PLCE1: variants seen among roughly 807,000 people sequenced by gnomAD.
The protein encoded by PLCE1 is phospholipase C epsilon 1.
PLCE1 carries 119 observed loss-of-function variants against 242.8 expected under a neutral mutation model. The observed-to-expected ratio is 0.49, with a 90% CI of 0.42 to 0.57. The LOEUF is 0.57. PLCE1 is among the 20% of genes least tolerant of loss of function. The pLI, the probability that PLCE1 is intolerant of heterozygous loss-of-function variation, is 0.00. For synonymous variants in PLCE1, 945 were observed against 1,017.4 expected, an observed-to-expected ratio of 0.93 and a Z score of 1.35; for missense variants, 2,441 against 2,788.8, an observed-to-expected ratio of 0.88 and a Z score of 2.81.
In PLCE1 at chr10:94,254,373, T is replaced by C. The variant is rs1002550866; in HGVS notation, c.3397+66T>C. The C allele has an allele frequency of 3.6e-6, 4 of 1,109,102 alleles. No individual in the cohort carries two copies. In the Admixed American group the frequency reaches 5.1e-5, roughly 14 times the overall value. 68.7% of individuals were successfully genotyped at this position (1,109,102 alleles called of 1,614,324 possible). ...TTTTTGTGGGAAAAAAAGTATACAT[T>C]TGGTTTTAAATTGTGATTTAAGCAT... On this transcript the variant is annotated intron_variant, in intron 10 of 32. Transcript: ENST00000371380.
intron 18 of PLCE1, among the ~76,000 whole-genome samples, chr10:94,271,462 C>T (rs894981221): frequency 6.6e-6 from 1 of 151,578 alleles, no homozygotes; most frequent in African/African-American, 2.4e-5. Flanking sequence ...CTACAGGCGC[C>T]CACCACCACG....
intron 23 of PLCE1, among the ~76,000 whole-genome samples, chr10:94,296,103 C>T (rs542678301): frequency 2.2e-4 from 33 of 152,258 alleles, no homozygotes; most frequent in African/African-American, 7.5e-4. Context: ...TGGCTCATGC[C>T]TGTAATCCCA....
chr10:94,033,492 T>A (rs1440717023), intron 2 of PLCE1, among the ~76,000 whole-genome samples: 1 of 152,140 alleles, frequency 6.6e-6, no homozygotes, highest in Admixed American at 6.6e-5. Context: ...TCACAGTTAC[T>A]ATTACTACTA....
At chr10:94,002,743 C>T (rs1382149091) in intron 1 of PLCE1, among the ~76,000 whole-genome samples, 2 of 152,144 alleles carry the variant, frequency 1.3e-5, no homozygotes, top group Non-Finnish European at 2.9e-5. Context: ...TCCTAAGAGA[C>T]TCATGGATTT....
chr10:94,137,997 G>C (rs1230464696), intron 3 of PLCE1: 1 of 383,122 alleles, frequency 2.6e-6, no homozygotes, highest in Non-Finnish European at 5.2e-6. Flanking sequence ...TCTGAGTACA[G>C]CCAGCAGGCA....
At chr10:94,230,137 A>G (rs2050092419) in intron 5 of PLCE1, among the ~76,000 whole-genome samples, 1 of 152,172 alleles carries the variant, frequency 6.6e-6, no homozygotes, top group Admixed American at 6.6e-5. Flanking sequence ...TGCTTCCTCT[A>G]ACTAAATTCT....
chr10:94,020,496 C>A (rs765756278), intron 1 of PLCE1, among the ~76,000 whole-genome samples: 2 of 151,964 alleles, frequency 1.3e-5, no homozygotes, highest in Non-Finnish European at 2.9e-5. Context: ...TTCAATTTAC[C>A]ATTTTTTTAT....
intron 1 of PLCE1, among the ~76,000 whole-genome samples, chr10:94,008,769 C>T (rs183561588): frequency 6.6e-6 from 1 of 152,244 alleles, no homozygotes; most frequent in East Asian, 1.9e-4. Context: ...GGTAACAAGC[C>T]ATCTGGGGCA....
chr10:94,212,546 A>T (rs568552347), intron 4 of PLCE1, among the ~76,000 whole-genome samples: 2 of 152,076 alleles, frequency 1.3e-5, no homozygotes, highest in Non-Finnish European at 2.9e-5. Context: ...ATGAGCCACC[A>T]CGCCCAGCCA....
chr10:94,196,442 G>A (rs931316347), intron 4 of PLCE1, among the ~76,000 whole-genome samples: 8 of 152,130 alleles, frequency 5.3e-5, no homozygotes, highest in Non-Finnish European at 1.2e-4. Context: ...GAGGGGAAGA[G>A]CCTTTTAAAG....
chr10:94,167,157 G>A (rs931212979), intron 3 of PLCE1, among the ~76,000 whole-genome samples: 1 of 152,140 alleles, frequency 6.6e-6, no homozygotes, highest in Non-Finnish European at 1.5e-5. Context: ...TGGGCATGGT[G>A]ACACACGCCT....
chr10:94,216,388 C>A (rs145445163), intron 4 of PLCE1, among the ~76,000 whole-genome samples: 31 of 152,298 alleles, frequency 2.0e-4, no homozygotes, highest in African/African-American at 7.5e-4. Flanking sequence ...TTGTCTTGCT[C>A]ATCATGTGCT....
chr10:94,200,331 G>A (rs1189220058), intron 4 of PLCE1, among the ~76,000 whole-genome samples: 2 of 152,188 alleles, frequency 1.3e-5, no homozygotes. Context: ...ATCTGGTAGT[G>A]CCAAGCAGTA....
chr10:94,178,895 C>CATG (rs940719745), intron 4 of PLCE1, among the ~76,000 whole-genome samples: 46 of 152,232 alleles, frequency 3.0e-4, no homozygotes, highest in African/African-American at 1.1e-3. Context: ...TGTTTAGAAA[C>CATG]GTCTCAATCA....
At chr10:94,082,384 C>T (rs761597147) in intron 2 of PLCE1, among the ~76,000 whole-genome samples, 45 of 152,138 alleles carry the variant, frequency 3.0e-4, no homozygotes, top group African/African-American at 4.1e-4. Flanking sequence ...ACAGTGGGCA[C>T]GAGATGAAAA....
chr10:94,179,609 G>C (rs111985626), intron 4 of PLCE1, among the ~76,000 whole-genome samples: 1 of 142,090 alleles, frequency 7.0e-6, no homozygotes, highest in African/African-American at 2.6e-5. Flanking sequence ...AGGCTCAAGC[G>C]ATCCTCCCAC....
intron 19 of PLCE1, among the ~76,000 whole-genome samples, chr10:94,277,542 G>A (rs2052004438): frequency 6.6e-6 from 1 of 152,124 alleles, no homozygotes; most frequent in Non-Finnish European, 1.5e-5. Context: ...GCTATTCGTG[G>A]TTCTTTGAGC....
chr10:94,218,746 T>C (rs972749483), intron 4 of PLCE1, among the ~76,000 whole-genome samples: 1 of 151,736 alleles, frequency 6.6e-6, no homozygotes, highest in Non-Finnish European at 1.5e-5. Context: ...TACAGAGATA[T>C]AAATAAAGTG....
Position 94,265,897 on chromosome 10 carries a change from A to G in PLCE1, c.4220A>G (p.His1407Arg). 6.2e-7 allele frequency: 1 copy of G among 1,614,110 alleles called. No homozygotes were observed. Among genetic ancestry groups the G allele is most frequent in the Non-Finnish European group, 8.5e-7 (1 of 1,179,966 alleles). Reference sequence around the variant, plus strand: ...TCATACTATTACATCGAATCTTCGCACAATACCTACCTCACGGGCCATCAG... The same window carrying G: ...TCATACTATTACATCGAATCTTCGCGCAATACCTACCTCACGGGCCATCAG... ...PLSYYYIESS[H>R]NTYLTGHQLK... Residue 1407 changes from histidine (H) to arginine (R), a missense_variant, in exon 16 of 33, where the codon CAC becomes CGC. His to Arg is a conservative substitution (Grantham distance 29). Around this residue, in one of 5 missense-constraint regions of PLCE1, gnomAD observed 1,004 missense variants for 1,322.7 expected, o/e 0.76. Transcript: ENST00000371380.
Sources: allele counts gnomAD v4.1 joint callset (sites outside exome capture counted in the v4.1 genomes callset), GRCh38; gene constraint gnomAD v4.1.1; regional missense constraint gnomAD v4.1.1; transcripts MANE v1.5; gene names NCBI Gene and HGNC (gene_info 2026-07-23, HGNC 2026-07-21).